The following HTRA1 variants were observed in gnomAD, a reference collection of about 807,000 sequenced individuals.
HTRA1 encodes HtrA serine peptidase 1, also known as serine protease HTRA1.
A neutral mutation model predicts 49.7 loss-of-function variants in HTRA1; 26 were observed. The observed-to-expected ratio is 0.52, with a 90% CI of 0.38 to 0.73. HTRA1 has a LOEUF of 0.73. Among genes scored for constraint, HTRA1 ranks in the 30% least tolerant of loss-of-function variants. The pLI, the probability that HTRA1 is intolerant of heterozygous loss-of-function variation, is 0.00. For synonymous variants in HTRA1, 291 were observed against 286.9 expected (o/e 1.01, Z -0.14); for missense variants, 561 against 667.2 (o/e 0.84, Z 1.75).
Position 122,511,977 on chromosome 10 carries a change from A to G in HTRA1, c.1186A>G (p.Lys396Glu). The G allele has an allele frequency of 6.2e-7, 1 of 1,613,874 alleles. No individual in the cohort carries two copies. Among genetic ancestry groups the G allele is most frequent in the Non-Finnish European group, 8.5e-7 (1 of 1,179,874 alleles). ...GCTTTTTCTCTGGAGCAGCAAAGCC[A>G]AAGAGCTGAAGGACCGGCACCGGGA... ...RMMSLTSSKA[K>E]ELKDRHRDFP... The change falls in exon 8 of 9, where the codon AAA (lysine) becomes GAA (glutamate). Residue 396 changes from lysine (K) to glutamate (E), a missense_variant. This residue lies in a region of HTRA1 where 179 missense variants were observed against 173.4 expected (regional missense o/e 1.03). Coordinates refer to ENST00000368984, the MANE Select transcript of HTRA1 (RefSeq NM_002775.5).
At chr10:122,469,770 G>C (rs911829057) in intron 1 of HTRA1, among the ~76,000 whole-genome samples, 2 of 152,208 alleles carry the variant, frequency 1.3e-5, no homozygotes, top group African/African-American at 4.8e-5. Context: ...AGGAGGCAGA[G>C]CCAGGATTTG....
intron 1 of HTRA1, among the ~76,000 whole-genome samples, chr10:122,467,333 A>G (rs1322794614): frequency 2.0e-5 from 3 of 152,166 alleles, no homozygotes; most frequent in Non-Finnish European, 4.4e-5. Context: ...TGACCAGGTA[A>G]CAGCTCCCTC....
At position 122,510,039 on chromosome 10, in the gene HTRA1, C is replaced by T. The variant is rs878882316; in HGVS notation, c.1121-57C>T. 4 of 1,479,664 alleles carry T rather than the reference C, an allele frequency of 2.7e-6. 1 individual carries two copies. In the South Asian group the frequency reaches 3.4e-5, roughly 13 times the overall value. 91.7% of individuals were successfully genotyped at this position (1,479,664 alleles called of 1,614,324 possible). ...GGATTGGGCCCCCGGCCCCTGGTGT[C>T]CCCAGCACCCCCACCAACTGGGCTG... On this transcript the variant is annotated intron_variant, in intron 6 of 8. Transcript: ENST00000368984.
At chr10:122,488,760 G>A in intron 1 of HTRA1, 142 bp from the exon 2 acceptor site, 1 of 767,324 alleles carries the variant, frequency 1.3e-6, no homozygotes, top group Non-Finnish European at 2.4e-6. Flanking sequence ...TTGCAGCTGA[G>A]CCCAGGTGGG....
chr10:122,470,604 A>T (rs1054693564), intron 1 of HTRA1, among the ~76,000 whole-genome samples: 1 of 152,066 alleles, frequency 6.6e-6, no homozygotes. Flanking sequence ...TATAAGGAAT[A>T]TGAAGGAGTT....
intron 3 of HTRA1, among the ~76,000 whole-genome samples, chr10:122,498,048 A>G (rs1208472349): frequency 2.0e-5 from 3 of 152,230 alleles, no homozygotes; most frequent in Non-Finnish European, 4.4e-5. Context: ...AATGGCAAAC[A>G]TCTGATATAG....
intron 1 of HTRA1, among the ~76,000 whole-genome samples, chr10:122,472,489 A>G (rs1321711766): frequency 1.3e-5 from 2 of 151,852 alleles, no homozygotes; most frequent in African/African-American, 4.8e-5. Context: ...TCCACCTCCC[A>G]GGTTCAAGCA....
At chr10:122,467,549 G>A (rs571975121) in intron 1 of HTRA1, among the ~76,000 whole-genome samples, 26 of 152,196 alleles carry the variant, frequency 1.7e-4, no homozygotes, top group African/African-American at 5.3e-4. Flanking sequence ...GGCTGGCATC[G>A]AATAGATGTG....
rs755771737 is a variant in HTRA1 at position 122,488,333 on chromosome 10, C to T, written c.473-569C>T. ...CTGTAATCCTAGCACTTTGGGAGGC[C>T]GAGGCAGGTGGATCACCTGAGGTCA... On this transcript the variant is annotated intron_variant, in intron 1 of 8. Coordinates refer to ENST00000368984, the MANE Select transcript of HTRA1 (RefSeq NM_002775.5). 3.1e-4 allele frequency among the ~76,000 whole-genome samples: 47 copies of T among 151,930 alleles called. 1 individual carries two copies. The highest frequency in any genetic ancestry group is 2.4e-4 in the Non-Finnish European group (16 of 67,962).
intron 1 of HTRA1, among the ~76,000 whole-genome samples, chr10:122,462,666 T>C (rs996579383): frequency 6.6e-6 from 1 of 152,238 alleles, no homozygotes; most frequent in Non-Finnish European, 1.5e-5. Flanking sequence ...CCCCGGAGTT[T>C]CTCCAAAAAG....
chr10:122,461,723 T>C lies in HTRA1; in HGVS notation c.71T>C (p.Leu24Pro). The change falls in exon 1 of 9, where the codon CTG becomes CCG. Residue 24 changes from leucine to proline, a missense_variant. Coordinates refer to ENST00000368984, the MANE Select transcript of HTRA1 (RefSeq NM_002775.5). ...LLLAAPASAQ[L>P]SRAGRSAPLA... ...CTGGCGGCGCCCGCCTCGGCGCAGC[T>C]GTCCCGGGCCGGCCGCTCGGCGCCT... is the stretch of plus-strand genomic sequence containing the variant. The C allele has an allele frequency of 8.3e-7, 1 of 1,197,948 alleles. No individual in the cohort carries two copies. The allele number at this position is 1,197,948 out of a possible 1,614,324, so 74.2% of individuals were successfully genotyped here.
In HTRA1 at chr10:122,461,605, C is replaced by T; in HGVS notation, c.-48C>T. The T allele has an allele frequency of 8.3e-7, 1 of 1,202,266 alleles. No individual in the cohort carries two copies. Among genetic ancestry groups the T allele is most frequent in the Non-Finnish European group, 1.1e-6 (1 of 923,194 alleles). The allele number at this position is 1,202,266 out of a possible 1,614,324, so 74.5% of individuals were successfully genotyped here. ...CCTGCACTCTCCCCGGCGCCGCTCT[C>T]CGGCCCTCGCCCTGTCCGCCGCCAC... On this transcript the variant is annotated 5_prime_UTR_variant, in exon 1 of 9. Coordinates refer to ENST00000368984, the MANE Select transcript of HTRA1 (RefSeq NM_002775.5).
chr10:122,494,503 G>A lies in HTRA1; in HGVS notation c.777+4877G>A, dbSNP rs1343832151. On this transcript the variant is annotated intron_variant, in intron 3 of 8. Transcript: ENST00000368984. The surrounding 1 kb of genome is among the most constrained non-coding windows in gnomAD (Gnocchi z 4.0). ...CTGTCAGGGCTACAGCAGGTCTATG[G>A]TCTTTGGTAACGGAAAGCGCTGGTG... 6.6e-6 allele frequency among the ~76,000 whole-genome samples: 1 copy of A among 152,222 alleles called. No individual in the cohort carries two copies. The highest frequency in any genetic ancestry group is 1.5e-5 in the Non-Finnish European group (1 of 68,046).
intron 1 of HTRA1, among the ~76,000 whole-genome samples, chr10:122,475,194 A>G (rs894321101): frequency 3.3e-5 from 5 of 152,232 alleles, no homozygotes; most frequent in Non-Finnish European, 5.9e-5. Context: ...CATCTGCTGC[A>G]GTCTTGGCCC....
rs1217678902 is a variant in HTRA1, at chr10:122,462,050, G to A, written c.398G>A (p.Arg133His). Residue 133 changes from arginine to histidine, a missense_variant, in exon 1 of 9, where the codon CGC becomes CAC. Coordinates refer to ENST00000368984, the MANE Select transcript of HTRA1 (RefSeq NM_002775.5). ...ACCTACGCCAACCTGTGCCAGCTGC[G>A]CGCCGCCAGCCGCCGCTCCGAGAGG... ...ANTYANLCQLRAASRRSERLH... is the reference protein window; with the variant it reads ...ANTYANLCQLHAASRRSERLH... 2.6e-6 allele frequency: 4 copies of A among 1,533,316 alleles called. No individual in the cohort carries two copies. The highest frequency in any genetic ancestry group is 2.6e-6 in the Non-Finnish European group (3 of 1,146,510). 95.0% of individuals were successfully genotyped at this position (1,533,316 alleles called of 1,614,324 possible).
In HTRA1 at chr10:122,512,080, T is replaced by C. The variant is rs1422178338; in HGVS notation, c.1274+15T>C. The C allele has an allele frequency of 3.3e-6, 5 of 1,534,938 alleles. No homozygotes were observed. Among genetic ancestry groups the C allele is most frequent in the Non-Finnish European group, 4.5e-6 (5 of 1,107,940 alleles). ...CCAGCAGAAGCGTGAGTTGGAGTCG[T>C]TTTCTCTTTTCCCAATATTCTTGTT... On this transcript the variant is annotated intron_variant, in intron 8 of 8. Transcript: ENST00000368984.
intron 1 of HTRA1, among the ~76,000 whole-genome samples, chr10:122,468,002 G>A (rs922599181): frequency 5.3e-5 from 8 of 152,322 alleles, no homozygotes; most frequent in Non-Finnish European, 1.0e-4. Context: ...CCGGAAAGAT[G>A]CAGAGTTCAG....
chr10:122,472,729 G>A (rs1017514691), intron 1 of HTRA1, among the ~76,000 whole-genome samples: 10 of 152,070 alleles, frequency 6.6e-5, no homozygotes, highest in Non-Finnish European at 1.2e-4. Flanking sequence ...TGTTGCCACC[G>A]TTTGGTTAAC....
intron 3 of HTRA1, among the ~76,000 whole-genome samples, chr10:122,491,673 C>T (rs1014457443): frequency 5.9e-5 from 9 of 152,234 alleles, no homozygotes; most frequent in Admixed American, 2.0e-4. Flanking sequence ...CCTGGCAAGA[C>T]GTGAACGATC....
Sources: gnomAD v4.1 joint callset for allele counts (sites outside exome capture counted in the v4.1 genomes callset) on GRCh38, gnomAD v4.1.1 for gene constraint, gnomAD v4.1.1 regional missense constraint, Gnocchi (gnomAD v3.1) non-coding constraint, MANE v1.5 for transcripts, NCBI Gene and HGNC (gene_info 2026-07-23, HGNC 2026-07-21) for gene names.